HSD17B7: variants seen among roughly 807,000 people sequenced by gnomAD.
HSD17B7 encodes 3-keto-steroid reductase/17-beta-hydroxysteroid dehydrogenase 7.
A neutral mutation model predicts 34.1 loss-of-function variants in HSD17B7; 17 were observed. The ratio of observed to expected loss-of-function variants is 0.50; its 90% CI spans 0.34 to 0.75. HSD17B7 has a LOEUF of 0.75. Among genes scored for constraint, HSD17B7 ranks in the 30% least tolerant of loss-of-function variants. The pLI is 0.01. For missense variants in HSD17B7, 296 were observed against 406.6 expected (o/e 0.73, Z 2.34); for synonymous variants, 122 against 154.6 (o/e 0.79, Z 1.56).
At position 162,790,812 on chromosome 1, in the gene HSD17B7, G is replaced by T. The variant is rs758264943; in HGVS notation, c.12G>T (p.Val4=). The T allele has an allele frequency of 2.5e-6, 4 of 1,613,590 alleles. No homozygotes were observed. The East Asian group carries it at 8.9e-5, about 36-fold the overall frequency. The change falls in exon 1 of 9, where the codon GTG becomes GTT. Residue 4 remains valine (V), a synonymous_variant. Coordinates refer to ENST00000254521, the MANE Select transcript of HSD17B7 (RefSeq NM_016371.4). ...GTGAGTGCGCGAAGATGCGAAAGGT[G>T]GTTTTGATCACCGGGGCTAGCAGGT... MRK[V]VLITGASSGI...
At chr1:162,800,986 C>CG (rs1164033419) in intron 5 of HSD17B7, among the ~76,000 whole-genome samples, 10 of 151,932 alleles carry the variant, frequency 6.6e-5, no homozygotes, top group Non-Finnish European at 1.2e-4. Flanking sequence ...AATGATGCCC[C>CG]CCTTTTTTTT....
rs752804774 is a variant in HSD17B7, at chr1:162,799,788, C to T, written c.493C>T (p.Gln165Ter). ...CCTCTGTCACAGTGACAATCCATCT[C>T]AGCTCATCTGGACATCATCTCGCAG... Reference protein sequence around the residue: ...PLLCHSDNPSQLIWTSSRSAR... With the variant: ...PLLCHSDNPS Residue 165 changes from glutamine to a stop codon, truncating the protein, a stop_gained, in exon 5 of 9, where the codon CAG (glutamine) becomes TAG (stop). Transcript: ENST00000254521. LOFTEE classifies it high-confidence loss of function. The T allele has an allele frequency of 3.7e-6, 6 of 1,613,838 alleles. No homozygotes were observed.
chr1:162,804,536 G>A (rs1213105459), intron 7 of HSD17B7, among the ~76,000 whole-genome samples: 1 of 152,160 alleles, frequency 6.6e-6, no homozygotes, highest in African/African-American at 2.4e-5. Context: ...ATGGCACTGG[G>A]CACCATGACT....
intron 8 of HSD17B7, among the ~76,000 whole-genome samples, chr1:162,809,403 T>A (rs552881922): frequency 2.0e-5 from 3 of 152,346 alleles, no homozygotes; most frequent in Admixed American, 2.0e-4. Context: ...GCATCAGTGT[T>A]CATCAGGGAT....
At position 162,806,629 on chromosome 1, in the gene HSD17B7, A is replaced by G. The variant is rs578099049; in HGVS notation, c.903+1137A>G. Among the ~76,000 whole-genome samples, 10 of 152,314 alleles carry G rather than the reference A, an allele frequency of 6.6e-5. No individual in the cohort carries two copies. In the South Asian group the frequency reaches 2.1e-3, roughly 32 times the overall value. On this transcript the variant is annotated intron_variant, in intron 8 of 8. Transcript: ENST00000254521. ...CAGTACTTCACCATGAATATTTTTTAAAGCAAATTTTACATAACCTGTAAC... is the reference window on the plus strand; with the variant it reads ...CAGTACTTCACCATGAATATTTTTTGAAGCAAATTTTACATAACCTGTAAC...
intron 1 of HSD17B7, 155 bp from the exon 2 acceptor site, chr1:162,792,504 G>A (rs1648442782): frequency 1.1e-6 from 1 of 916,846 alleles, no homozygotes; most frequent in South Asian, 1.8e-5. Context: ...TGGAGTGTAG[G>A]ATTCCTCCCT....
At chr1:162,808,956 T>C (rs1649083454) in intron 8 of HSD17B7, among the ~76,000 whole-genome samples, 1 of 152,220 alleles carries the variant, frequency 6.6e-6, no homozygotes, top group Non-Finnish European at 1.5e-5. Context: ...TGAATACCCT[T>C]TATTTCTTTC....
chr1:162,802,936 C>T (rs954467946), intron 5 of HSD17B7: 8 of 152,612 alleles, frequency 5.2e-5, no homozygotes, highest in African/African-American at 1.7e-4. Context: ...GGGAGCACCC[C>T]CCTCAAGCTA....
At chr1:162,799,542 G>T (rs1648735246) in intron 4 of HSD17B7, 1 of 481,128 alleles carries the variant, frequency 2.1e-6, no homozygotes, top group Non-Finnish European at 3.7e-6. Context: ...TAGACTAAGA[G>T]ATATATATGT....
intron 8 of HSD17B7, among the ~76,000 whole-genome samples, chr1:162,809,080 A>G (rs999910066): frequency 6.6e-6 from 1 of 152,194 alleles, no homozygotes; most frequent in African/African-American, 2.4e-5. Context: ...GTTTTTGCCC[A>G]TTCAGTATGA....
chr1:162,793,423 G>A (rs959456039), intron 2 of HSD17B7, among the ~76,000 whole-genome samples: 8 of 151,904 alleles, frequency 5.3e-5, no homozygotes, highest in Non-Finnish European at 4.4e-5. Flanking sequence ...GTTGGTACTG[G>A]GATTACAGGC....
chr1:162,811,303 T>C (rs924673155), intron 8 of HSD17B7, among the ~76,000 whole-genome samples: 4 of 152,366 alleles, frequency 2.6e-5, no homozygotes, highest in African/African-American at 9.6e-5. Context: ...TTGTAGAGTT[T>C]CTGCCAAGAG....
At chr1:162,809,316 A>G (rs1319917267) in intron 8 of HSD17B7, among the ~76,000 whole-genome samples, 1 of 152,190 alleles carries the variant, frequency 6.6e-6, no homozygotes, top group Admixed American at 6.5e-5. Flanking sequence ...CCAGGGATGA[A>G]ACTCACTTGA....
chr1:162,796,667 C>G lies in HSD17B7; in HGVS notation c.322C>G (p.Leu108Val). The change falls in exon 3 of 9, where the codon CTC (leucine) becomes GTC (valine). Residue 108 changes from leucine to valine, a missense_variant. Transcript: ENST00000254521. ...AAATATCAAAGCACTTTTCTTTGGC[C>G]TCTTTTCAAGGTAATTTTCGTTTTA... ...QLNIKALFFG[L>V]FSRKVIHMFS... 1 of 1,604,980 alleles carries G rather than the reference C, an allele frequency of 6.2e-7. No homozygotes were observed. Among genetic ancestry groups the G allele is most frequent in the Non-Finnish European group, 8.5e-7 (1 of 1,171,736 alleles).
At chr1:162,790,952 T>C in intron 1 of HSD17B7, 117 bp downstream of exon 1, 2 of 715,240 alleles carry the variant, frequency 2.8e-6, no homozygotes, top group South Asian at 3.0e-5. Context: ...TTGCCTAGGT[T>C]CCCCGGAGTC....
chr1:162,810,925 G>T (rs1270424006), intron 8 of HSD17B7, among the ~76,000 whole-genome samples: 1 of 150,338 alleles, frequency 6.7e-6, no homozygotes, highest in South Asian at 2.1e-4. Flanking sequence ...GTGTCTTTTA[G>T]TTGGATCATT....
intron 3 of HSD17B7, chr1:162,797,442 CAGGAAAACT>C: frequency 2.0e-5 from 1 of 51,162 alleles, no homozygotes; most frequent in Non-Finnish European, 3.9e-5. Flanking sequence ...ACTTTGTGCA[CAGGAAAACT>C]TTTTTTCCCT....
At chr1:162,811,128 T>C (rs1156525308) in intron 8 of HSD17B7, among the ~76,000 whole-genome samples, 2 of 149,984 alleles carry the variant, frequency 1.3e-5, no homozygotes, top group African/African-American at 4.9e-5. Flanking sequence ...TCAGGAGTTC[T>C]TGTAGGGCAG....
intron 6 of HSD17B7, 72 bp downstream of exon 6, chr1:162,803,607 G>A (rs1455760439): frequency 2.0e-6 from 3 of 1,533,904 alleles, no homozygotes; most frequent in African/African-American, 1.4e-5. Flanking sequence ...TATGTTTAAG[G>A]GTTGGGAAAT....
Sources: allele counts gnomAD v4.1 joint callset (sites outside exome capture counted in the v4.1 genomes callset), GRCh38; gene constraint gnomAD v4.1.1; transcripts MANE v1.5; gene names NCBI Gene and HGNC (gene_info 2026-07-23, HGNC 2026-07-21).